The following MTUS2 variants were observed in gnomAD, a reference collection of about 807,000 sequenced individuals.
MTUS2 encodes the protein microtubule associated scaffold protein 2.
In MTUS2, 40 loss-of-function variants were observed where a neutral mutation model predicts 114.1. The observed-to-expected ratio is 0.35, with a 90% confidence interval of 0.27 to 0.46. MTUS2 has a LOEUF of 0.46. Ranked by LOEUF, MTUS2 falls within the 20% of genes least tolerant of loss-of-function variation. The pLI is 1.00. For synonymous variants in MTUS2, 688 were observed against 672.0 expected, an observed-to-expected ratio of 1.02 and a Z score of -0.37; for missense variants, 1,679 against 1,705.4, an observed-to-expected ratio of 0.98 and a Z score of 0.27.
At chr13:28,888,606 G>A (rs1878732281) in intron 2 of MTUS2, among the ~76,000 whole-genome samples, 1 of 152,072 alleles carries the variant, frequency 6.6e-6, no homozygotes, top group Admixed American at 6.5e-5. Flanking sequence ...ATTTTTAGTA[G>A]AGACGGGGTT....
At chr13:28,968,292 A>G (rs1331969789) in intron 2 of MTUS2, among the ~76,000 whole-genome samples, 9 of 152,232 alleles carry the variant, frequency 5.9e-5, no homozygotes, top group Admixed American at 5.9e-4. Context: ...CCCACATATC[A>G]TATGCTTAGG....
intron 4 of MTUS2, among the ~76,000 whole-genome samples, chr13:29,092,333 T>C (rs992666526): frequency 1.3e-5 from 2 of 151,842 alleles, no homozygotes; most frequent in African/African-American, 4.8e-5. Flanking sequence ...TGTTTTAGCC[T>C]TTTTTTTGCA....
intron 7 of MTUS2, among the ~76,000 whole-genome samples, chr13:29,342,339 T>C (rs1461390558): frequency 6.6e-6 from 1 of 152,114 alleles, no homozygotes; most frequent in Non-Finnish European, 1.5e-5. Context: ...GGCAGTGTTT[T>C]ATAGTTTTCT....
chr13:29,352,976 T>C (rs4491351), intron 7 of MTUS2, among the ~76,000 whole-genome samples: 123,158 of 151,964 alleles, frequency 0.81, 50,802 homozygotes, highest in East Asian at 0.9. Context: ...GCTTCTTAAA[T>C]ATACGAAATA....
intron 2 of MTUS2, among the ~76,000 whole-genome samples, chr13:28,930,065 C>T (rs1340460646): frequency 6.6e-6 from 1 of 152,042 alleles, no homozygotes. Context: ...AGGTCTGGCT[C>T]AGTCATGAGA....
intron 6 of MTUS2, among the ~76,000 whole-genome samples, chr13:29,306,117 A>G (rs1369140437): frequency 2.0e-5 from 3 of 152,246 alleles, no homozygotes; most frequent in Non-Finnish European, 4.4e-5. Flanking sequence ...TCGATAAACT[A>G]GGTATTGAAG....
intron 6 of MTUS2, among the ~76,000 whole-genome samples, chr13:29,318,502 G>A (rs1900116181): frequency 6.6e-6 from 1 of 151,184 alleles, no homozygotes; most frequent in Non-Finnish European, 1.5e-5. Context: ...TTTCTGGTGA[G>A]TAAAAAGAGT....
intron 7 of MTUS2, among the ~76,000 whole-genome samples, chr13:29,347,967 C>T (rs76013531): frequency 0.34 from 14,043 of 40,748 alleles, 5,423 homozygotes; most frequent in East Asian, 0.71. Flanking sequence ...ATCCCAAGTG[C>T]AGGAGCTTGT....
At chr13:28,936,683 C>CT (rs200566368) in intron 2 of MTUS2, among the ~76,000 whole-genome samples, 4,864 of 152,216 alleles carry the variant, frequency 0.032, 125 homozygotes, top group Non-Finnish European at 0.048. Flanking sequence ...ACAAGTTAGC[C>CT]TTTTTCTCAT....
intron 8 of MTUS2, among the ~76,000 whole-genome samples, chr13:29,383,248 G>GTATATATATATATATTTATTTATTTATT (rs1361530154): frequency 1.6e-5 from 1 of 63,204 alleles, no homozygotes; most frequent in Admixed American, 2.0e-4. Flanking sequence ...GTGTGTGTGT[G>GTATATATATATATATTTATTTATTTATT]TGTGTATTTA....
At chr13:29,227,349 T>A (rs562056382) in intron 5 of MTUS2, among the ~76,000 whole-genome samples, 1 of 151,876 alleles carries the variant, frequency 6.6e-6, no homozygotes, top group South Asian at 2.1e-4. Context: ...TTGAGAGAGG[T>A]TTGCCCCTCT....
chr13:29,365,860 A>T (rs1020806529), intron 8 of MTUS2, among the ~76,000 whole-genome samples: 2 of 152,164 alleles, frequency 1.3e-5, no homozygotes, highest in Admixed American at 1.3e-4. Context: ...AAATGCTGTA[A>T]ACTCCCCTCC....
At chr13:29,446,073 A>C (rs1593452549) in intron 9 of MTUS2, among the ~76,000 whole-genome samples, 1 of 152,146 alleles carries the variant, frequency 6.6e-6, no homozygotes, top group Non-Finnish European at 1.5e-5. Flanking sequence ...ACCCTAAGTC[A>C]TCGTTAGCAT....
At chr13:28,933,282 GTTGTAATC>G (rs1401624076) in intron 2 of MTUS2, among the ~76,000 whole-genome samples, 1 of 152,144 alleles carries the variant, frequency 6.6e-6, no homozygotes, top group Non-Finnish European at 1.5e-5. Context: ...TAGAGTGGAT[GTTGTAATC>G]TTCAGTCTAC....
chr13:29,206,243 A>G lies in MTUS2; in HGVS notation c.2645-75461A>G, dbSNP rs565177632. Among the ~76,000 whole-genome samples the G allele has an allele frequency of 5.3e-5, 8 of 152,020 alleles. No individual in the cohort carries two copies. The East Asian group carries it at 1.4e-3, about 26-fold the overall frequency. ...AATTGTCTATTCATGTCTTTAGCCCACTCTTGATGGGATTATTTGTTTTCT... is the reference window on the plus strand; with the variant it reads ...AATTGTCTATTCATGTCTTTAGCCCGCTCTTGATGGGATTATTTGTTTTCT... On this transcript the variant is annotated intron_variant, in intron 5 of 15. Coordinates refer to ENST00000612955, the MANE Select transcript of MTUS2 (RefSeq NM_001033602.4).
At chr13:28,875,626 C>G (rs1292333285) in intron 2 of MTUS2, among the ~76,000 whole-genome samples, 1 of 152,062 alleles carries the variant, frequency 6.6e-6, no homozygotes, top group Non-Finnish European at 1.5e-5. Flanking sequence ...TAGCCTCTTC[C>G]CAGGGAGAAA....
intron 9 of MTUS2, among the ~76,000 whole-genome samples, chr13:29,445,699 G>A (rs1320680389): frequency 6.6e-6 from 1 of 151,950 alleles, no homozygotes. Context: ...TTGAGGCCAG[G>A]AGTTCAAGGC....
At chr13:29,321,693 A>G (rs1018510366) in intron 6 of MTUS2, among the ~76,000 whole-genome samples, 2 of 152,248 alleles carry the variant, frequency 1.3e-5, no homozygotes, top group African/African-American at 2.4e-5. Flanking sequence ...TTATTATACA[A>G]GTAATATGTG....
intron 9 of MTUS2, among the ~76,000 whole-genome samples, chr13:29,469,103 A>C (rs1435900263): frequency 6.6e-6 from 1 of 152,184 alleles, no homozygotes; most frequent in Non-Finnish European, 1.5e-5. Context: ...TTGACGGATG[A>C]GAATGCTGGG....
Sources: gnomAD v4.1 joint callset for allele counts (sites outside exome capture counted in the v4.1 genomes callset) on GRCh38, gnomAD v4.1.1 for gene constraint, MANE v1.5 for transcripts, NCBI Gene and HGNC (gene_info 2026-07-23, HGNC 2026-07-21) for gene names.